Variants in LOC112694756 observed in about 807,000 individuals in gnomAD.
At chr16:30,068,539 G>C in the LOC112694756 span, 1 of 1,275,204 alleles carries the variant, frequency 7.8e-7, no homozygotes, top group South Asian at 1.2e-5. Flanking sequence ...GGAAGTGGAG[G>C]CTTCAGTGAG....
At chr16:30,063,685 G>C in the LOC112694756 span, 13 of 399,308 alleles carry the variant, frequency 3.3e-5, no homozygotes, top group South Asian at 1.7e-3. Flanking sequence ...AGCAACAGAC[G>C]TGGCCCCATC....
the LOC112694756 span, chr16:30,063,880 C>T: frequency 2.5e-6 from 1 of 399,100 alleles, no homozygotes; most frequent in Non-Finnish European, 4.4e-6. Flanking sequence ...GCGGCCAGCC[C>T]CCAGGGCCCA....
At chr16:30,067,440 A>G in the LOC112694756 span, 1 of 1,613,422 alleles carries the variant, frequency 6.2e-7, no homozygotes, top group Non-Finnish European at 8.5e-7. Context: ...TTCCCATGTG[A>G]CACTCCCAGG....
chr16:30,059,424 G>A, the LOC112694756 span, among the ~76,000 whole-genome samples: 15 of 151,766 alleles, frequency 9.9e-5, no homozygotes, highest in Non-Finnish European at 1.9e-4. Flanking sequence ...TGTAAAACCC[G>A]GGAGGCGGAC....
chr16:30,054,091 G>C, the LOC112694756 span, among the ~76,000 whole-genome samples: 1 of 151,940 alleles, frequency 6.6e-6, no homozygotes, highest in Non-Finnish European at 1.5e-5. Flanking sequence ...AGGCCGAGGC[G>C]GGCGGATCAC....
chr16:30,062,167 CA>C, the LOC112694756 span, among the ~76,000 whole-genome samples: 1 of 151,938 alleles, frequency 6.6e-6, no homozygotes, highest in Non-Finnish European at 1.5e-5. Context: ...CCCACCATTG[CA>C]CTCCAGCCTG....
At chr16:30,069,285 AC>A in the LOC112694756 span, 7 of 1,613,502 alleles carry the variant, frequency 4.3e-6, no homozygotes, top group Non-Finnish European at 5.9e-6. Context: ...CCTCACAGTG[AC>A]CCTGTCCCTC....
the LOC112694756 span, chr16:30,069,292 C>T: frequency 6.2e-7 from 1 of 1,614,056 alleles, no homozygotes; most frequent in Non-Finnish European, 8.5e-7. Flanking sequence ...GTGACCCTGT[C>T]CCTCGCCCTG....
the LOC112694756 span, chr16:30,069,168 TGTCTC>T: frequency 7.5e-7 from 1 of 1,333,492 alleles, no homozygotes. Context: ...AGGCGGCTCT[TGTCTC>T]CTGTAATCTG....
the LOC112694756 span, chr16:30,070,224 C>A: frequency 1.9e-6 from 3 of 1,613,638 alleles, no homozygotes; most frequent in Non-Finnish European, 2.5e-6. Flanking sequence ...CGGAGGTGTT[C>A]CCAGGCTGCC....
At chr16:30,067,553 C>T in the LOC112694756 span, 3 of 1,613,998 alleles carry the variant, frequency 1.9e-6, no homozygotes, top group Admixed American at 1.7e-5. Context: ...GCGTGAACCC[C>T]TGCATTGGGG....
the LOC112694756 span, chr16:30,064,346 G>A: frequency 1.5e-5 from 6 of 398,648 alleles, no homozygotes; most frequent in Admixed American, 1.3e-4. Flanking sequence ...AAGGGAGGAG[G>A]GAGATTAGAG....
the LOC112694756 span, chr16:30,066,843 A>G: frequency 1.3e-6 from 2 of 1,530,514 alleles, no homozygotes; most frequent in Non-Finnish European, 1.8e-6. Context: ...TTGATTCACG[A>G]TCTTTACATT....
At chr16:30,062,714 G>A in the LOC112694756 span, among the ~76,000 whole-genome samples, 1 of 151,934 alleles carries the variant, frequency 6.6e-6, no homozygotes, top group Non-Finnish European at 1.5e-5. Flanking sequence ...GGTGGCACAT[G>A]CCTGTAATCC....
At chr16:30,058,259 G>A in the LOC112694756 span, among the ~76,000 whole-genome samples, 2 of 152,176 alleles carry the variant, frequency 1.3e-5, no homozygotes, top group Non-Finnish European at 1.5e-5. Context: ...TCCTTGAGCT[G>A]TCTTTCCACA....
chr16:30,064,947 G>A, the LOC112694756 span: 1 of 155,770 alleles, frequency 6.4e-6, no homozygotes. Flanking sequence ...TTTTGGAGAA[G>A]GAAGTCAGGC....
chr16:30,057,873 G>C, the LOC112694756 span, among the ~76,000 whole-genome samples: 1 of 151,896 alleles, frequency 6.6e-6, no homozygotes, highest in Non-Finnish European at 1.5e-5. Context: ...AGAGATTGCG[G>C]TGAGCTGAGA....
the LOC112694756 span, chr16:30,068,832 T>G: frequency 1.2e-6 from 2 of 1,614,224 alleles, no homozygotes; most frequent in South Asian, 2.2e-5. Flanking sequence ...GGATGGGCTG[T>G]CTGAGCGCTG....
the LOC112694756 span, chr16:30,064,956 G>C: frequency 6.5e-6 from 1 of 154,788 alleles, no homozygotes; most frequent in Non-Finnish European, 1.4e-5. Flanking sequence ...AGGAAGTCAG[G>C]CTCAAGGAAG....
Sources: allele counts gnomAD v4.1 joint callset (sites outside exome capture counted in the v4.1 genomes callset), GRCh38; gene constraint gnomAD v4.1.1; transcripts MANE v1.5.